The following UBN2 variants were observed in gnomAD, a reference collection of about 807,000 sequenced individuals.
The protein encoded by UBN2 is ubinuclein 2, also known as ubinuclein-2.
A neutral mutation model predicts 120.2 loss-of-function variants in UBN2; 35 were observed. The observed-to-expected ratio is 0.29, with a 90% CI of 0.22 to 0.39. UBN2 has a LOEUF of 0.39. UBN2 is among the 10% of genes least tolerant of loss of function. The probability of loss-of-function intolerance (pLI) is 1.00; values close to 1 mark genes in which losing one functional copy is unlikely to be tolerated. For synonymous variants in UBN2, 661 were observed against 648.7 expected, an observed-to-expected ratio of 1.02 and a Z score of -0.29; for missense variants, 1,693 against 1,663.2, an observed-to-expected ratio of 1.02 and a Z score of -0.31.
downstream of UBN2, among the ~76,000 whole-genome samples, chr7:139,309,802 C>T (rs1362752169): frequency 2.6e-5 from 4 of 151,502 alleles, no homozygotes; most frequent in African/African-American, 9.7e-5. Flanking sequence ...GCCCAGGAGG[C>T]GGAGGTTGCA....
intron 2 of UBN2, among the ~76,000 whole-genome samples, chr7:139,245,793 A>C (rs369256889): frequency 6.6e-6 from 1 of 152,240 alleles, no homozygotes; most frequent in Non-Finnish European, 1.5e-5. Context: ...AGTGAGTAGC[A>C]GGAGACTATC....
At chr7:139,321,459 C>G in the UBN2 span, among the ~76,000 whole-genome samples, 1 of 152,146 alleles carries the variant, frequency 6.6e-6, no homozygotes, top group South Asian at 2.1e-4. Flanking sequence ...GGTGGCTAGC[C>G]CCTGGAGATG....
chr7:139,296,007 GA>G (rs1166057986), intron 17 of UBN2, among the ~76,000 whole-genome samples: 1 of 152,110 alleles, frequency 6.6e-6, no homozygotes, highest in Non-Finnish European at 1.5e-5. Context: ...TTGGATTTTT[GA>G]ATTCCAGAAC....
At chr7:139,278,027 C>G (rs746259677) in intron 12 of UBN2, among the ~76,000 whole-genome samples, 1 of 152,144 alleles carries the variant, frequency 6.6e-6, no homozygotes. Context: ...CAGTTGACCA[C>G]AGGCAACTGA....
Position 139,283,922 on chromosome 7 carries a change from G to A in UBN2, c.3017G>A (p.Ser1006Asn). Residue 1006 changes from serine (S) to asparagine (N), a missense_variant, in exon 15 of 18, where the codon AGC (serine) becomes AAC (asparagine). Around this residue, in one of 5 missense-constraint regions of UBN2, gnomAD observed 837 missense variants for 817.6 expected, o/e 1.02. Coordinates refer to ENST00000473989, the MANE Select transcript of UBN2 (RefSeq NM_173569.4). ...CCCCTGGTTTCTAGGACAGTACCTA[G>A]CACCACTACCTCCAGTAACTATTTA... Reference protein sequence around the residue: ...SHPLVSRTVPSTTTSSNYLAK... With the variant: ...SHPLVSRTVPNTTTSSNYLAK... 1 of 1,613,968 alleles carries A rather than the reference G, an allele frequency of 6.2e-7. No homozygotes were observed. The highest frequency in any genetic ancestry group is 1.7e-5 in the Admixed American group (1 of 60,000).
At chr7:139,233,713 C>T (rs1204603470) in intron 1 of UBN2, among the ~76,000 whole-genome samples, 1 of 152,068 alleles carries the variant, frequency 6.6e-6, no homozygotes, top group East Asian at 1.9e-4. Context: ...AATACAAAGA[C>T]CTTTATTATG....
the UBN2 span, among the ~76,000 whole-genome samples, chr7:139,322,399 G>A: frequency 6.6e-6 from 1 of 152,198 alleles, no homozygotes; most frequent in Non-Finnish European, 1.5e-5. Context: ...CATTACAACT[G>A]ATTTGTAGGG....
At chr7:139,289,964 G>A (rs929757802) in intron 15 of UBN2, among the ~76,000 whole-genome samples, 5 of 151,944 alleles carry the variant, frequency 3.3e-5, no homozygotes, top group African/African-American at 1.2e-4. Flanking sequence ...CACAATCTCG[G>A]CTCACTGCAA....
chr7:139,265,577 A>G (rs1797073885), intron 6 of UBN2, among the ~76,000 whole-genome samples: 1 of 152,214 alleles, frequency 6.6e-6, no homozygotes, highest in South Asian at 2.1e-4. Context: ...GAAGGGTGGA[A>G]TCTGTGTGTG....
At chr7:139,237,374 G>A (rs1796192879) in intron 2 of UBN2, among the ~76,000 whole-genome samples, 1 of 152,138 alleles carries the variant, frequency 6.6e-6, no homozygotes, top group African/African-American at 2.4e-5. Context: ...TTGGCTCACT[G>A]CAACCTCCGC....
At chr7:139,270,332 G>T (rs760324856) in intron 8 of UBN2, among the ~76,000 whole-genome samples, 2 of 149,026 alleles carry the variant, frequency 1.3e-5, no homozygotes, top group Non-Finnish European at 3.0e-5. Flanking sequence ...GCAGTGGCGC[G>T]ATCTCAGCTC....
At chr7:139,252,934 G>A (rs918944367) in intron 3 of UBN2, among the ~76,000 whole-genome samples, 2 of 152,068 alleles carry the variant, frequency 1.3e-5, no homozygotes, top group African/African-American at 2.4e-5. Flanking sequence ...AGAGATTTTA[G>A]TGTTCTTTTT....
chr7:139,283,617 A>G lies in UBN2; in HGVS notation c.2712A>G (p.Gln904=), dbSNP rs756734703. 31 of 1,613,916 alleles carry G rather than the reference A, an allele frequency of 1.9e-5. No homozygotes were observed. The highest frequency in any genetic ancestry group is 1.6e-4 in the Middle Eastern group (1 of 6,084). The change falls in exon 15 of 18, where the codon CAA becomes CAG. Residue 904 remains glutamine, a synonymous_variant. Transcript: ENST00000473989. The stretch of plus-strand genomic sequence containing the variant: ...ATGTCTCCTCTTCTTCCCAAGCCCA[A>G]ATTGCTGCCTCTTCTCATGCTCTGG... ...QTHVSSSSQA[Q]IAASSHALGT...
intron 2 of UBN2, among the ~76,000 whole-genome samples, chr7:139,239,135 A>G (rs559689879): frequency 6.6e-5 from 10 of 152,314 alleles, no homozygotes; most frequent in African/African-American, 2.2e-4. Context: ...TACTAGAGAT[A>G]CATCTCTATA....
At chr7:139,249,313 T>G (rs1796555245) in intron 2 of UBN2, among the ~76,000 whole-genome samples, 1 of 152,178 alleles carries the variant, frequency 6.6e-6, no homozygotes, top group African/African-American at 2.4e-5. Flanking sequence ...GGAGTTAGGT[T>G]TTTTTAGCAT....
intron 3 of UBN2, among the ~76,000 whole-genome samples, chr7:139,253,928 T>C (rs901746971): frequency 2.6e-5 from 4 of 152,140 alleles, no homozygotes; most frequent in Non-Finnish European, 5.9e-5. Flanking sequence ...ACAGAACATA[T>C]AAAGGTAGGA....
At chr7:139,245,220 A>G (rs566011293) in intron 2 of UBN2, among the ~76,000 whole-genome samples, 16 of 150,346 alleles carry the variant, frequency 1.1e-4, no homozygotes, top group African/African-American at 3.7e-4. Flanking sequence ...GATTATAGGC[A>G]TGAGCCACCT....
chr7:139,249,483 A>G (rs1322892515), intron 2 of UBN2, among the ~76,000 whole-genome samples: 2 of 152,200 alleles, frequency 1.3e-5, no homozygotes, highest in African/African-American at 4.8e-5. Flanking sequence ...AACAAAGCAA[A>G]GCAATTTGCT....
chr7:139,289,387 A>G (rs1361230630), intron 15 of UBN2, among the ~76,000 whole-genome samples: 1 of 149,798 alleles, frequency 6.7e-6, no homozygotes, highest in Non-Finnish European at 1.5e-5. Flanking sequence ...TTAATTTTGG[A>G]AATTGCCCTC....
Sources: gnomAD v4.1 joint callset for allele counts (sites outside exome capture counted in the v4.1 genomes callset) on GRCh38, gnomAD v4.1.1 for gene constraint, gnomAD v4.1.1 regional missense constraint, MANE v1.5 for transcripts, NCBI Gene and HGNC (gene_info 2026-07-23, HGNC 2026-07-21) for gene names.